Variants in AKIRIN2 observed in about 807,000 individuals in gnomAD.
The protein encoded by AKIRIN2 is akirin 2.
A neutral mutation model predicts 29.3 loss-of-function variants in AKIRIN2; 6 were observed. That is an observed-to-expected ratio of 0.20 (90% confidence interval 0.11 to 0.40). The LOEUF (loss-of-function observed/expected upper bound fraction) is 0.40. Among genes scored for constraint, AKIRIN2 ranks in the 10% least tolerant of loss-of-function variants. The probability of loss-of-function intolerance (pLI) is 1.00; values close to 1 mark genes in which losing one functional copy is unlikely to be tolerated. For synonymous variants in AKIRIN2, 128 were observed against 117.5 expected, an observed-to-expected ratio of 1.09 and a Z score of -0.58; for missense variants, 210 against 276.1, an observed-to-expected ratio of 0.76 and a Z score of 1.70.
chr6:87,701,335 TAAG>T (rs763635521), intron 1 of AKIRIN2, 112 bp downstream of exon 1: 30 of 1,150,404 alleles, frequency 2.6e-5, no homozygotes, highest in African/African-American at 6.6e-5. Context: ...ACTACTTTGC[TAAG>T]AACAAGAACC....
chr6:87,681,424 G>T (rs1431558059), intron 2 of AKIRIN2, among the ~76,000 whole-genome samples, 196 bp downstream of exon 2: 1 of 152,172 alleles, frequency 6.6e-6, no homozygotes, highest in Non-Finnish European at 1.5e-5. Context: ...GCAGGTGGTT[G>T]TCTCTGGTTA....
chr6:87,678,388 G>C (rs561673377), intron 2 of AKIRIN2, among the ~76,000 whole-genome samples: 1 of 152,140 alleles, frequency 6.6e-6, no homozygotes, highest in African/African-American at 2.4e-5. Flanking sequence ...TGTAATCCCA[G>C]CTACTCGGGA....
At position 87,675,441 on chromosome 6, in the gene AKIRIN2, A is replaced by C. The variant is rs2128299894; in HGVS notation, c.*156T>G. 1 of 1,021,562 alleles carries C rather than the reference A, an allele frequency of 9.8e-7. No individual in the cohort carries two copies. Among genetic ancestry groups the C allele is most frequent in the African/African-American group, 1.6e-5 (1 of 62,068 alleles). 63.3% of individuals were successfully genotyped at this position (1,021,562 alleles called of 1,614,324 possible). ...TACTGACATCAGGGAAATTTCCAAA[A>C]CCAGTTGCTGCTGCCTAAGAGTGGT... On this transcript the variant is annotated 3_prime_UTR_variant, in exon 5 of 5. Coordinates refer to ENST00000257787, the MANE Select transcript of AKIRIN2 (RefSeq NM_018064.4).
chr6:87,700,004 C>A (rs1771431154), intron 1 of AKIRIN2, among the ~76,000 whole-genome samples: 1 of 151,900 alleles, frequency 6.6e-6, no homozygotes, highest in Non-Finnish European at 1.5e-5. Context: ...TGTCAACCAC[C>A]AGTAGCTCAT....
chr6:87,701,871 G>C lies in AKIRIN2; in HGVS notation c.-187C>G. 2.2e-6 allele frequency: 1 copy of C among 451,074 alleles called. No homozygotes were observed. The highest frequency in any genetic ancestry group is 3.9e-6 in the Non-Finnish European group (1 of 258,944). 27.9% of individuals were successfully genotyped at this position (451,074 alleles called of 1,614,324 possible). A position where few individuals can be genotyped will look rare whatever the true frequency, so the allele number is the denominator to read the frequency against. On this transcript the variant is annotated 5_prime_UTR_variant, in exon 1 of 5. Transcript: ENST00000257787. ...CTGCCGCCGCTGCCTCCGCGGCAGG[G>C]GCAGTGGCCAGGGACGGCCCGGGTG...
At chr6:87,686,917 G>A (rs1341877621) in intron 1 of AKIRIN2, among the ~76,000 whole-genome samples, 10 of 151,218 alleles carry the variant, frequency 6.6e-5, no homozygotes, top group African/African-American at 1.9e-4. Context: ...ATGGTGGTGG[G>A]CGCCTGTAAT....
At position 87,675,386 on chromosome 6, in the gene AKIRIN2, T is replaced by C. The variant is rs1770951132; in HGVS notation, c.*211A>G. ...AGCAAAATGAGGCCACTGGTATTAATACAGGTAGCAAAGGTCCACATCCAG... is the reference window on the plus strand; with the variant it reads ...AGCAAAATGAGGCCACTGGTATTAACACAGGTAGCAAAGGTCCACATCCAG... On this transcript the variant is annotated 3_prime_UTR_variant, in exon 5 of 5. Transcript: ENST00000257787. 2 of 616,926 alleles carry C rather than the reference T, an allele frequency of 3.2e-6. No individual in the cohort carries two copies. The highest frequency in any genetic ancestry group is 5.5e-5 in the East Asian group (2 of 36,366). The allele number at this position is 616,926 out of a possible 1,614,324, so 38.2% of individuals were successfully genotyped here. A position where few individuals can be genotyped will look rare whatever the true frequency, so the allele number is the denominator to read the frequency against.
chr6:87,690,754 C>T (rs187923133), intron 1 of AKIRIN2, among the ~76,000 whole-genome samples: 48 of 152,244 alleles, frequency 3.2e-4, no homozygotes, highest in African/African-American at 1.1e-3. Context: ...GGGCAGATGG[C>T]TTGAGGTCAG....
rs1034061273 is a variant in AKIRIN2 at position 87,678,416 on chromosome 6, C to A, written c.380-449G>T. On this transcript the variant is annotated intron_variant, in intron 2 of 4. Coordinates refer to ENST00000257787, the MANE Select transcript of AKIRIN2 (RefSeq NM_018064.4). ...ACTCGGGAGGCTGAGGCAGGAGAATCACTTGAACCCGGGAGGCGGAGGTTT... is the reference window on the plus strand; with the variant it reads ...ACTCGGGAGGCTGAGGCAGGAGAATAACTTGAACCCGGGAGGCGGAGGTTT... Among the ~76,000 whole-genome samples the A allele has an allele frequency of 3.3e-5, 5 of 151,594 alleles. No homozygotes were observed. In the South Asian group the frequency reaches 1.0e-3, roughly 31 times the overall value.
At chr6:87,681,136 C>T (rs1771112629) in intron 2 of AKIRIN2, among the ~76,000 whole-genome samples, 1 of 152,130 alleles carries the variant, frequency 6.6e-6, no homozygotes, top group African/African-American at 2.4e-5. Flanking sequence ...CTCCTGGGTT[C>T]AAGTGATTCT....
chr6:87,682,369 T>G (rs191094808), intron 1 of AKIRIN2, among the ~76,000 whole-genome samples: 2 of 152,118 alleles, frequency 1.3e-5, no homozygotes, highest in Non-Finnish European at 2.9e-5. Flanking sequence ...GAGGGTAGGG[T>G]GAGGGGGAGA....
rs777220615 is a variant in AKIRIN2, at chr6:87,675,844, A to G, written c.601+16T>C. 7 of 1,608,398 alleles carry G rather than the reference A, an allele frequency of 4.4e-6. No individual in the cohort carries two copies. In the African/African-American group the frequency reaches 9.4e-5, roughly 22 times the overall value. On this transcript the variant is annotated intron_variant, in intron 4 of 4. Transcript: ENST00000257787. The stretch of plus-strand genomic sequence containing the variant: ...GTCTTATTTTCAGTTTATAACTTCA[A>G]AGGTGAAATACTTACAGCTAGCAGG...
At chr6:87,681,331 C>T (rs911018569) in intron 2 of AKIRIN2, among the ~76,000 whole-genome samples, 4 of 152,162 alleles carry the variant, frequency 2.6e-5, no homozygotes, top group Non-Finnish European at 5.9e-5. Context: ...CATGAGCCAC[C>T]GTGCCTGGCC....
intron 1 of AKIRIN2, among the ~76,000 whole-genome samples, chr6:87,691,917 T>C (rs1439638101): frequency 1.3e-5 from 2 of 152,138 alleles, no homozygotes; most frequent in Non-Finnish European, 2.9e-5. Flanking sequence ...ATCTGGAAGA[T>C]AGCTGGAGGA....
Position 87,688,148 on chromosome 6 carries a change from G to C in AKIRIN2, c.236-6385C>G, listed in dbSNP as rs572980430. ...TTGAGTTTTTTTTCTTGTTTTTGTG[G>C]GGGGACAGAGTCTCGCTCTGTCGCC... On this transcript the variant is annotated intron_variant, in intron 1 of 4. Coordinates refer to ENST00000257787, the MANE Select transcript of AKIRIN2 (RefSeq NM_018064.4). Among the ~76,000 whole-genome samples the C allele has an allele frequency of 3.3e-5, 5 of 151,952 alleles. No homozygotes were observed. The East Asian group carries it at 9.7e-4, about 30-fold the overall frequency.
intron 1 of AKIRIN2, among the ~76,000 whole-genome samples, chr6:87,688,900 T>G (rs965339938): frequency 6.6e-6 from 1 of 152,150 alleles, no homozygotes; most frequent in Admixed American, 6.6e-5. Flanking sequence ...ACAGGGCCAA[T>G]GTAATGTGTA....
intron 1 of AKIRIN2, among the ~76,000 whole-genome samples, chr6:87,686,258 T>C (rs752929364): frequency 6.6e-6 from 1 of 152,124 alleles, no homozygotes; most frequent in African/African-American, 2.4e-5. Flanking sequence ...AGAAAAGGCC[T>C]CTTTTTAGTT....
intron 1 of AKIRIN2, among the ~76,000 whole-genome samples, chr6:87,691,440 T>TTAA (rs371190994): frequency 1.2e-5 from 1 of 84,836 alleles, no homozygotes; most frequent in South Asian, 4.7e-4. Flanking sequence ...AACCTCATCT[T>TTAA]AAAAAAAAAA....
chr6:87,676,596 A>AACACACGCACGCGCGCGCACAC lies in AKIRIN2; in HGVS notation c.530-666_530-665insGTGTGCGCGCGCGTGCGTGTGT, dbSNP rs1485678233. 6.6e-3 allele frequency among the ~76,000 whole-genome samples: 944 copies of AACACACGCACGCGCGCGCACAC among 142,140 alleles called. 14 individuals carry two copies. The highest frequency in any genetic ancestry group is 0.024 in the African/African-American group (883 of 37,048). The allele number at this position is 142,140 out of a possible 152,430, so 93.2% of individuals were successfully genotyped here. A position where few individuals can be genotyped will look rare whatever the true frequency, so the allele number is the denominator to read the frequency against. ...ATGGTGAAACCCCGTCTCTACTAAA[A>AACACACGCACGCGCGCGCACAC]ACACACACACACACACACACACACA... On this transcript the variant is annotated intron_variant, in intron 3 of 4. Coordinates refer to ENST00000257787, the MANE Select transcript of AKIRIN2 (RefSeq NM_018064.4).
Sources: allele counts gnomAD v4.1 joint callset (sites outside exome capture counted in the v4.1 genomes callset), GRCh38; gene constraint gnomAD v4.1.1; transcripts MANE v1.5; gene names NCBI Gene and HGNC (gene_info 2026-07-23, HGNC 2026-07-21).